Variants in PTPRT observed in about 807,000 individuals in gnomAD.
The protein encoded by PTPRT is protein tyrosine phosphatase receptor type T.
Under a neutral mutation model 176.8 loss-of-function variants are expected in PTPRT, and 56 were observed. The ratio of observed to expected loss-of-function variants is 0.32; its 90% CI spans 0.26 to 0.40. The LOEUF is 0.40. Ranked by LOEUF, PTPRT falls within the 10% of genes least tolerant of loss-of-function variation. The pLI is 1.00. For missense variants in PTPRT, 1,540 were observed against 1,908.2 expected, an observed-to-expected ratio of 0.81 and a Z score of 3.60; for synonymous variants, 783 against 739.0, an observed-to-expected ratio of 1.06 and a Z score of -0.96.
chr20:43,024,372 T>C (rs113249934), intron 1 of PTPRT, among the ~76,000 whole-genome samples: 2,725 of 152,120 alleles, frequency 0.018, 93 homozygotes, highest in African/African-American at 0.061. Flanking sequence ...TGGTAGATCA[T>C]GAGGTCAGGA....
At chr20:42,303,630 G>T (rs1455133032) in intron 12 of PTPRT, among the ~76,000 whole-genome samples, 1 of 152,158 alleles carries the variant, frequency 6.6e-6, no homozygotes, top group Non-Finnish European at 1.5e-5. Flanking sequence ...TGTTAAATGA[G>T]AATACATATA....
At chr20:42,291,636 T>G (rs1406697811) in intron 12 of PTPRT, among the ~76,000 whole-genome samples, 1 of 151,922 alleles carries the variant, frequency 6.6e-6, no homozygotes, top group Non-Finnish European at 1.5e-5. Context: ...ACCTTAGAAG[T>G]TAGACACAGG....
chr20:42,512,153 C>G (rs1175487432), intron 7 of PTPRT, among the ~76,000 whole-genome samples: 1 of 152,018 alleles, frequency 6.6e-6, no homozygotes, highest in East Asian at 1.9e-4. Flanking sequence ...AAATTTAATA[C>G]ACAATTTATA....
At chr20:43,069,025 T>G (rs1204330835) in intron 1 of PTPRT, among the ~76,000 whole-genome samples, 2 of 152,186 alleles carry the variant, frequency 1.3e-5, no homozygotes, top group Non-Finnish European at 2.9e-5. Flanking sequence ...AGGTCATGCA[T>G]GCAGATAAAT....
At chr20:42,324,472 C>T (rs1422074019) in intron 11 of PTPRT, among the ~76,000 whole-genome samples, 1 of 152,120 alleles carries the variant, frequency 6.6e-6, no homozygotes, top group Non-Finnish European at 1.5e-5. Flanking sequence ...TATACATTTA[C>T]TAAAGAATTG....
rs929379258 is a variant in PTPRT, at chr20:42,554,958, C to A, written c.1154-82396G>T. Among the ~76,000 whole-genome samples, 4 of 152,186 alleles carry A rather than the reference C, an allele frequency of 2.6e-5. No individual in the cohort carries two copies. The East Asian group carries it at 7.7e-4, about 29-fold the overall frequency. On this transcript the variant is annotated intron_variant, in intron 7 of 30. Coordinates refer to ENST00000373187, the MANE Select transcript of PTPRT (RefSeq NM_007050.6). ...CAACCGTTCCAACACAGACATTTGA[C>A]TTTTATGCAATTTTTCAGGAAAGTA...
the PTPRT span, among the ~76,000 whole-genome samples, chr20:42,036,356 T>C: frequency 6.6e-6 from 1 of 152,320 alleles, no homozygotes; most frequent in Admixed American, 6.5e-5. Context: ...GAGAAATTGC[T>C]GTGTGCCAGC....
chr20:42,870,834 G>A (rs938490590), intron 2 of PTPRT, among the ~76,000 whole-genome samples: 5 of 152,102 alleles, frequency 3.3e-5, no homozygotes, highest in East Asian at 1.9e-4. Context: ...GATGCTTGAC[G>A]TTTATTTCTT....
At chr20:42,039,718 T>C in the PTPRT span, among the ~76,000 whole-genome samples, 4 of 79,022 alleles carry the variant, frequency 5.1e-5, no homozygotes, top group Non-Finnish European at 6.8e-5. Context: ...GTATATTCCA[T>C]ATATTCCAAC....
At chr20:42,578,737 C>T (rs770686332) in intron 7 of PTPRT, among the ~76,000 whole-genome samples, 9 of 152,236 alleles carry the variant, frequency 5.9e-5, no homozygotes, top group Non-Finnish European at 1.3e-4. Context: ...GATCTGCAAT[C>T]GCCTCCTACA....
At chr20:42,322,549 C>A (rs1444844796) in intron 11 of PTPRT, among the ~76,000 whole-genome samples, 1 of 131,826 alleles carries the variant, frequency 7.6e-6, no homozygotes, top group Non-Finnish European at 1.5e-5. Flanking sequence ...GGTAAACTGG[C>A]TAGCCATATG....
intron 16 of PTPRT, among the ~76,000 whole-genome samples, chr20:42,169,793 A>ACACACAC (rs1568638865): frequency 0.027 from 1,780 of 67,098 alleles, 47 homozygotes; most frequent in Admixed American, 0.056. Context: ...CACACACACA[A>ACACACAC]CAGTCAGTAT....
At position 42,649,255 on chromosome 20, in the gene PTPRT, C is replaced by T. The variant is rs572617420; in HGVS notation, c.1153+28611G>A. Among the ~76,000 whole-genome samples, 17 of 152,212 alleles carry T rather than the reference C, an allele frequency of 1.1e-4. No individual in the cohort carries two copies. The South Asian group carries it at 3.1e-3, about 28-fold the overall frequency. On this transcript the variant is annotated intron_variant, in intron 7 of 30. Coordinates refer to ENST00000373187, the MANE Select transcript of PTPRT (RefSeq NM_007050.6). ...GAGGGAGAGCTTGTGCAAAGGAACT[C>T]CTTTTTATAAAACCATCAGATCTCG...
intron 7 of PTPRT, among the ~76,000 whole-genome samples, chr20:42,520,432 T>A (rs1357388624): frequency 6.6e-6 from 1 of 152,208 alleles, no homozygotes; most frequent in Non-Finnish European, 1.5e-5. Flanking sequence ...CTTCTTTTAT[T>A]TATAGTTTTG....
chr20:43,131,169 T>C (rs2013636073), intron 1 of PTPRT, among the ~76,000 whole-genome samples: 2 of 152,368 alleles, frequency 1.3e-5, no homozygotes, highest in South Asian at 4.1e-4. Context: ...AGGTGTTTCA[T>C]ACAACCACAC....
At chr20:42,623,567 T>C (rs1269562171) in intron 7 of PTPRT, among the ~76,000 whole-genome samples, 7 of 152,192 alleles carry the variant, frequency 4.6e-5, no homozygotes, top group Non-Finnish European at 8.8e-5. Flanking sequence ...TAGAATTCAG[T>C]GCTTATTCCA....
chr20:42,939,671 T>C (rs1398435251), intron 1 of PTPRT, among the ~76,000 whole-genome samples: 1 of 151,886 alleles, frequency 6.6e-6, no homozygotes, highest in Non-Finnish European at 1.5e-5. Context: ...GCCATGGCAG[T>C]GACTCAAACA....
chr20:42,399,543 T>C (rs1026518966), intron 9 of PTPRT, among the ~76,000 whole-genome samples: 1 of 152,202 alleles, frequency 6.6e-6, no homozygotes, highest in Non-Finnish European at 1.5e-5. Flanking sequence ...CCACAGAGGA[T>C]TCTGATTTCA....
chr20:42,978,908 C>T (rs766535835), intron 1 of PTPRT, among the ~76,000 whole-genome samples: 6 of 152,286 alleles, frequency 3.9e-5, no homozygotes, highest in Non-Finnish European at 8.8e-5. Flanking sequence ...ACCAGCAGCC[C>T]TTCGGCTGCT....
Sources: gnomAD v4.1 joint callset for allele counts (sites outside exome capture counted in the v4.1 genomes callset) on GRCh38, gnomAD v4.1.1 for gene constraint, MANE v1.5 for transcripts, NCBI Gene and HGNC (gene_info 2026-07-23, HGNC 2026-07-21) for gene names.